The following C2CD5 variants were observed in gnomAD, a reference collection of about 807,000 sequenced individuals.
The protein encoded by C2CD5 is C2 domain-containing protein 5.
Under a neutral mutation model 130.3 loss-of-function variants are expected in C2CD5, and 109 were observed. The ratio of observed to expected loss-of-function variants is 0.84; its 90% CI spans 0.72 to 0.98. The LOEUF (loss-of-function observed/expected upper bound fraction) is 0.98, where lower values mean the gene tolerates loss of function less well. Ranked by LOEUF, C2CD5 falls within the 50% of genes least tolerant of loss-of-function variation. The pLI is 0.00. For synonymous variants in C2CD5, 454 were observed against 429.2 expected (o/e 1.06, Z -0.71); for missense variants, 996 against 1,261.8 (o/e 0.79, Z 3.19).
chr12:22,516,601 G>C (rs906640345), intron 8 of C2CD5, among the ~76,000 whole-genome samples: 5 of 149,234 alleles, frequency 3.4e-5, no homozygotes, highest in Admixed American at 6.7e-5. Context: ...GAAAGACCAA[G>C]GAAATGCTTT....
chr12:22,479,656 G>A (rs915857092), intron 14 of C2CD5, among the ~76,000 whole-genome samples: 3 of 151,970 alleles, frequency 2.0e-5, no homozygotes, highest in African/African-American at 7.2e-5. Context: ...CTAATTAGCA[G>A]AGAAAAGTGT....
chr12:22,486,934 G>A (rs1168863453), intron 12 of C2CD5, among the ~76,000 whole-genome samples: 1 of 152,094 alleles, frequency 6.6e-6, no homozygotes, highest in African/African-American at 2.4e-5. Context: ...TGACAAACCT[G>A]ACAAAAACAA....
In C2CD5 at chr12:22,493,312, C is replaced by T. The variant is rs2136474621; in HGVS notation, c.1173G>A (p.Trp391Ter). ...NPDEPETRDA[W>*]WAEIRQEIKS... is the part of the protein sequence containing the mutation. ...TTATTTCTTGTCTGATTTCTGCCCA[C>T]CATGCATCTCGAGTTTCTGGTTCAT... Residue 391 changes from tryptophan (W) to a stop codon, truncating the protein, a stop_gained, in exon 11 of 27, where the codon TGG becomes TGA. Transcript: ENST00000446597. LOFTEE classifies it high-confidence loss of function. The T allele has an allele frequency of 6.2e-7, 1 of 1,610,134 alleles. No individual in the cohort carries two copies. Among genetic ancestry groups the T allele is most frequent in the Non-Finnish European group, 8.5e-7 (1 of 1,177,686 alleles).
intron 3 of C2CD5, among the ~76,000 whole-genome samples, chr12:22,530,702 C>A (rs1951197995): frequency 6.6e-6 from 1 of 152,036 alleles, no homozygotes; most frequent in South Asian, 2.1e-4. Flanking sequence ...GGTGATTCGC[C>A]TGCCTCGGCT....
In C2CD5 at chr12:22,544,325, C is replaced by A; in HGVS notation, c.-35G>T. On this transcript the variant is annotated 5_prime_UTR_variant, in exon 1 of 27. Coordinates refer to ENST00000446597, the MANE Select transcript of C2CD5 (RefSeq NM_001286176.2). Reference sequence around the variant, plus strand: ...CGCCACGGGTCGCCACTCACTGTCGCAGGAGGAAGGGTGCTGTCCCGCGCG... The same window carrying A: ...CGCCACGGGTCGCCACTCACTGTCGAAGGAGGAAGGGTGCTGTCCCGCGCG... 1.9e-6 allele frequency: 1 copy of A among 532,786 alleles called. No homozygotes were observed. The highest frequency in any genetic ancestry group is 3.2e-6 in the Non-Finnish European group (1 of 308,262). 33.0% of individuals were successfully genotyped at this position (532,786 alleles called of 1,614,324 possible). A position where few individuals can be genotyped will look rare whatever the true frequency, so the allele number is the denominator to read the frequency against.
intron 15 of C2CD5, among the ~76,000 whole-genome samples, chr12:22,475,112 TA>T (rs1164423399): frequency 1.3e-5 from 2 of 152,012 alleles, no homozygotes; most frequent in African/African-American, 4.8e-5. Context: ...GTCACAGACA[TA>T]ACAAGATAAA....
chr12:22,530,111 T>TACAC lies in C2CD5; in HGVS notation c.178-2223_178-2220dup, dbSNP rs199603129. On this transcript the variant is annotated intron_variant, in intron 3 of 26. Transcript: ENST00000446597. ...ATATATATATATATATATATATATA[T>TACAC]ACACACACACACACACACACACACA... 2.0e-3 allele frequency among the ~76,000 whole-genome samples: 177 copies of TACAC among 87,538 alleles called. 2 individuals are homozygous for TACAC. Among genetic ancestry groups the TACAC allele is most frequent in the African/African-American group, 8.5e-3 (135 of 15,802 alleles). The allele number at this position is 87,538 out of a possible 152,430, so 57.4% of individuals were successfully genotyped here.
intron 10 of C2CD5, among the ~76,000 whole-genome samples, chr12:22,500,245 G>C (rs1361619348): frequency 6.7e-6 from 1 of 150,216 alleles, no homozygotes; most frequent in Non-Finnish European, 1.5e-5. Flanking sequence ...AGGAGAAAAG[G>C]AGACAGAAAA....
At position 22,460,513 on chromosome 12, in the gene C2CD5, G is replaced by A. The variant is rs1021754494; in HGVS notation, c.2534-971C>T. On this transcript the variant is annotated intron_variant, in intron 22 of 26. Coordinates refer to ENST00000446597, the MANE Select transcript of C2CD5 (RefSeq NM_001286176.2). ...TTTCAAAACATTATTTGTACAGAAT[G>A]TTTCTACCATAGAATGTTGCTGCTA... 4.6e-5 allele frequency: 7 copies of A among 152,034 alleles called. No individual in the cohort carries two copies. In the East Asian group the frequency reaches 5.8e-4, roughly 13 times the overall value. The allele number at this position is 152,034 out of a possible 1,614,324, so 9.4% of individuals were successfully genotyped here.
chr12:22,450,208 G>C (rs909539997), intron 26 of C2CD5, among the ~76,000 whole-genome samples: 10 of 152,044 alleles, frequency 6.6e-5, no homozygotes, highest in Non-Finnish European at 1.3e-4. Context: ...TGTTAACAAA[G>C]ACATGGGACA....
intron 3 of C2CD5, among the ~76,000 whole-genome samples, chr12:22,530,260 GTA>G (rs199626302): frequency 2.1e-5 from 3 of 146,040 alleles, no homozygotes; most frequent in Non-Finnish European, 3.0e-5. Flanking sequence ...ATACAACTGT[GTA>G]TATATATATA....
At chr12:22,517,305 T>A (rs1949831645) in intron 8 of C2CD5, among the ~76,000 whole-genome samples, 1 of 149,514 alleles carries the variant, frequency 6.7e-6, no homozygotes, top group Non-Finnish European at 1.5e-5. Flanking sequence ...ACAATAATAA[T>A]TTAATGATTT....
At chr12:22,498,188 G>C (rs567958736) in intron 10 of C2CD5, among the ~76,000 whole-genome samples, 180 of 152,152 alleles carry the variant, frequency 1.2e-3, no homozygotes, top group African/African-American at 3.5e-3. Context: ...AGTTCCAAGA[G>C]AGCCTACCAC....
intron 9 of C2CD5, among the ~76,000 whole-genome samples, chr12:22,508,208 T>C (rs980384202): frequency 6.6e-6 from 1 of 152,156 alleles, no homozygotes. Flanking sequence ...TTCTAAAATT[T>C]ATTTAGAAAT....
At chr12:22,511,295 G>C (rs1949167149) in intron 9 of C2CD5, among the ~76,000 whole-genome samples, 1 of 151,976 alleles carries the variant, frequency 6.6e-6, no homozygotes, top group African/African-American at 2.4e-5. Flanking sequence ...ACATAATCTA[G>C]TGTTCAGATT....
At chr12:22,515,555 T>C (rs1219048497) in intron 8 of C2CD5, among the ~76,000 whole-genome samples, 1 of 152,134 alleles carries the variant, frequency 6.6e-6, no homozygotes, top group Non-Finnish European at 1.5e-5. Flanking sequence ...TAAACACTTA[T>C]TTAAAGTTAT....
chr12:22,453,675 T>C (rs1262836461), intron 26 of C2CD5, among the ~76,000 whole-genome samples: 1 of 152,198 alleles, frequency 6.6e-6, no homozygotes, highest in African/African-American at 2.4e-5. Flanking sequence ...ATTCCAGATG[T>C]GATTAAGAAT....
intron 26 of C2CD5, among the ~76,000 whole-genome samples, chr12:22,453,116 C>G (rs1449097920): frequency 6.6e-6 from 1 of 152,132 alleles, no homozygotes; most frequent in African/African-American, 2.4e-5. Flanking sequence ...CTTACTCCTG[C>G]TTAAATGATA....
At chr12:22,454,633 T>G (rs900717049) in intron 25 of C2CD5, among the ~76,000 whole-genome samples, 19 of 151,934 alleles carry the variant, frequency 1.3e-4, no homozygotes, top group African/African-American at 4.6e-4. Context: ...ATATAATGTC[T>G]TCCGAGATAC....
Sources: gnomAD v4.1 joint callset for allele counts (sites outside exome capture counted in the v4.1 genomes callset) on GRCh38, gnomAD v4.1.1 for gene constraint, MANE v1.5 for transcripts, NCBI Gene and HGNC (gene_info 2026-07-23, HGNC 2026-07-21) for gene names.